The following TENM1 variants were observed in gnomAD, a reference collection of about 807,000 sequenced individuals.
TENM1 encodes teneurin transmembrane protein 1.
In TENM1, 35 loss-of-function variants were observed where a neutral mutation model predicts 174.8. The ratio of observed to expected loss-of-function variants is 0.20; its 90% confidence interval spans 0.15 to 0.27. The LOEUF is 0.27. TENM1 is among the 10% of genes least tolerant of loss of function. The pLI, the probability that TENM1 is intolerant of heterozygous loss-of-function variation, is 1.00. For synonymous variants in TENM1, 781 were observed against 798.7 expected (o/e 0.98, Z 0.37); for missense variants, 1,633 against 2,130.1 (o/e 0.77, Z 4.59).
chrX:124,498,648 T>C (rs925035752), intron 19 of TENM1, among the ~76,000 whole-genome samples: 1 of 108,940 alleles, frequency 9.2e-6, no homozygotes, highest in Non-Finnish European at 1.9e-5. Context: ...GGAGGTTCTA[T>C]TCATCCTTTA....
the TENM1 span, among the ~76,000 whole-genome samples, chrX:125,194,861 A>T: frequency 2.7e-5 from 3 of 112,008 alleles, no homozygotes; most frequent in South Asian, 1.1e-3. Flanking sequence ...ACTAAAAAAC[A>T]TCCTAGACAC....
At chrX:124,834,062 C>A (rs2056343774) in intron 3 of TENM1, among the ~76,000 whole-genome samples, 1 of 111,537 alleles carries the variant, frequency 9.0e-6, no homozygotes, top group Non-Finnish European at 1.9e-5. Flanking sequence ...ATGCCTGGGG[C>A]AATTGTTGTC....
chrX:124,947,435 C>T (rs987002980), intron 1 of TENM1, among the ~76,000 whole-genome samples: 4 of 111,889 alleles, frequency 3.6e-5, no homozygotes, highest in African/African-American at 1.3e-4. Flanking sequence ...CAAGTTTCAA[C>T]TGGGCTGTTT....
intron 3 of TENM1, among the ~76,000 whole-genome samples, chrX:124,880,756 T>G (rs2057289694): frequency 8.9e-6 from 1 of 111,947 alleles, no homozygotes; most frequent in African/African-American, 3.2e-5. Flanking sequence ...AATGTTGAAT[T>G]TTATCAAATG....
At chrX:124,660,122 T>C (rs2051556384) in intron 6 of TENM1, among the ~76,000 whole-genome samples, 2 of 110,828 alleles carry the variant, frequency 1.8e-5, no homozygotes, top group Non-Finnish European at 3.8e-5. Context: ...AAAAAATACA[T>C]AAATTGAACT....
the TENM1 span, among the ~76,000 whole-genome samples, chrX:125,195,173 A>C: frequency 1.8e-5 from 2 of 111,971 alleles, no homozygotes; most frequent in African/African-American, 6.5e-5. Context: ...TTTCAGTAAA[A>C]GGAGAGACCA....
At chrX:124,931,875 A>G (rs778244013) in intron 1 of TENM1, among the ~76,000 whole-genome samples, 51 of 80,730 alleles carry the variant, frequency 6.3e-4, no homozygotes, top group South Asian at 1.5e-3. Flanking sequence ...GCGCACGCAC[A>G]CACACACACA....
chrX:124,471,404 T>A (rs62651882), intron 22 of TENM1, among the ~76,000 whole-genome samples: 1 of 26,836 alleles, frequency 3.7e-5, no homozygotes, highest in Admixed American at 6.8e-4. Context: ...ATAATATATA[T>A]TATAATATAT....
chrX:124,565,321 G>A (rs1166596123), intron 12 of TENM1, 54 bp downstream of exon 15: 1 of 989,951 alleles, frequency 1.0e-6, no homozygotes, highest in East Asian at 3.4e-5. Context: ...TCACTAGACT[G>A]CTCTTAACTT....
chrX:125,122,137 A>G, the TENM1 span, among the ~76,000 whole-genome samples: 1 of 111,960 alleles, frequency 8.9e-6, no homozygotes, highest in Non-Finnish European at 1.9e-5. Context: ...GGATACTAAG[A>G]GATGGAACTA....
At chrX:125,014,187 C>G in the TENM1 span, among the ~76,000 whole-genome samples, 2 of 112,474 alleles carry the variant, frequency 1.8e-5, no homozygotes, top group Non-Finnish European at 3.8e-5. Context: ...AACGAGGCAT[C>G]TCTTCACTGT....
intron 20 of TENM1, among the ~76,000 whole-genome samples, chrX:124,494,495 T>TTTTATTTA (rs375546724): frequency 9.2e-5 from 10 of 108,187 alleles, no homozygotes; most frequent in African/African-American, 2.7e-4. Context: ...TTCCCTTTTC[T>TTTTATTTA]TTTATTTATT....
intron 3 of TENM1, among the ~76,000 whole-genome samples, chrX:124,884,461 T>C (rs2057352090): frequency 9.0e-6 from 1 of 111,003 alleles, no homozygotes; most frequent in Admixed American, 9.5e-5. Flanking sequence ...ATTCCCTATG[T>C]TAGTCTCAGG....
intron 3 of TENM1, among the ~76,000 whole-genome samples, chrX:124,853,054 G>A (rs2056751807): frequency 8.9e-6 from 1 of 111,820 alleles, no homozygotes; most frequent in African/African-American, 3.2e-5. Context: ...TTCCTGCTAT[G>A]TGTCAAACTT....
chrX:124,924,162 C>T (rs948450805), intron 1 of TENM1, among the ~76,000 whole-genome samples: 1 of 111,888 alleles, frequency 8.9e-6, no homozygotes, highest in Non-Finnish European at 1.9e-5. Context: ...GTTTAATTTT[C>T]GAATTGACTT....
At chrX:124,419,117 G>C (rs773310598) in intron 25 of TENM1, among the ~76,000 whole-genome samples, 1 of 112,090 alleles carries the variant, frequency 8.9e-6, no homozygotes, top group Non-Finnish European at 1.9e-5. Flanking sequence ...AGATGGAAGA[G>C]AATTACTTTC....
chrX:124,994,171 A>C, the TENM1 span, among the ~76,000 whole-genome samples: 1 of 103,290 alleles, frequency 9.7e-6, no homozygotes, highest in African/African-American at 3.6e-5. Context: ...TACTGATTTG[A>C]CTCATTAACT....
rs1051005383 is a variant in TENM1 at position 124,493,659 on chromosome X, G to A, written c.3695+3357C>T. Among the ~76,000 whole-genome samples, 15 of 111,171 alleles carry A rather than the reference G, an allele frequency of 1.3e-4. No homozygotes were observed. In the East Asian group the frequency reaches 4.3e-3, roughly 32 times the overall value. ...GGTTTTGAAAACAATGTGGACTGTTGTATAAATCATTTCCACATCCAGGCA... is the reference window on the plus strand; with the variant it reads ...GGTTTTGAAAACAATGTGGACTGTTATATAAATCATTTCCACATCCAGGCA... On this transcript the variant is annotated intron_variant, in intron 20 of 31. Coordinates refer to ENST00000422452, the Ensembl canonical transcript of TENM1.
chrX:124,872,030 CAA>C (rs748541890), intron 3 of TENM1, among the ~76,000 whole-genome samples: 11 of 35,301 alleles, frequency 3.1e-4, no homozygotes, highest in Non-Finnish European at 3.3e-4. Context: ...GACTCTGTCT[CAA>C]AAAAAAAAAA....
Sources: gnomAD v4.1 joint callset for allele counts (sites outside exome capture counted in the v4.1 genomes callset) on GRCh38, gnomAD v4.1.1 for gene constraint, MANE v1.5 for transcripts, NCBI Gene and HGNC (gene_info 2026-07-23, HGNC 2026-07-21) for gene names.